CACNA1C: variants seen among roughly 807,000 people sequenced by gnomAD.
CACNA1C encodes the protein voltage-dependent L-type calcium channel subunit alpha-1C.
Under a neutral mutation model 229.0 loss-of-function variants are expected in CACNA1C, and 30 were observed. The ratio of observed to expected loss-of-function variants is 0.13; its 90% CI spans 0.10 to 0.18. CACNA1C has a LOEUF of 0.18. CACNA1C is among the 10% of genes least tolerant of loss of function. The probability of loss-of-function intolerance (pLI) is 1.00; values close to 1 mark genes in which losing one functional copy is unlikely to be tolerated. For synonymous variants in CACNA1C, 1,114 were observed against 1,132.5 expected (o/e 0.98, Z 0.33); for missense variants, 1,658 against 2,845.0 (o/e 0.58, Z 9.49).
At chr12:2,629,499 C>G (rs1273210027) in intron 29 of CACNA1C, among the ~76,000 whole-genome samples, 2 of 152,210 alleles carry the variant, frequency 1.3e-5, no homozygotes, top group Non-Finnish European at 2.9e-5. Context: ...ATGGCAAGTT[C>G]TGAGTGCTTT....
chr12:2,350,703 C>A (rs60840938), intron 3 of CACNA1C, among the ~76,000 whole-genome samples: 1 of 152,204 alleles, frequency 6.6e-6, no homozygotes, highest in Non-Finnish European at 1.5e-5. Context: ...GGCTCAGCTG[C>A]CATTGGCCTG....
rs957742785 is a variant in CACNA1C at position 2,633,309 on chromosome 12, T to G, written c.3829-988T>G. On this transcript the variant is annotated intron_variant, in intron 29 of 46. Coordinates refer to ENST00000399655, the MANE Select transcript of CACNA1C (RefSeq NM_000719.7). This position sits in a 1 kb window ranked among gnomAD's most constrained non-coding sequence, Gnocchi z 5.8. Reference sequence around the variant, plus strand: ...AGCCACATCCTGCCGCCTGGCGATTTGCACCACCCACGCCCCCCACACCCA... The same window carrying G: ...AGCCACATCCTGCCGCCTGGCGATTGGCACCACCCACGCCCCCCACACCCA... 6.6e-6 allele frequency among the ~76,000 whole-genome samples: 1 copy of G among 152,114 alleles called. No homozygotes were observed. Among genetic ancestry groups the G allele is most frequent in the Non-Finnish European group, 1.5e-5 (1 of 68,010 alleles).
chr12:2,574,669 C>T (rs1476251891), intron 13 of CACNA1C, among the ~76,000 whole-genome samples: 1 of 152,242 alleles, frequency 6.6e-6, no homozygotes, highest in Non-Finnish European at 1.5e-5. Context: ...ATGTCCCTAC[C>T]AGCATCTGGC....
intron 3 of CACNA1C, among the ~76,000 whole-genome samples, chr12:2,405,875 A>C (rs934042639): frequency 2.0e-4 from 30 of 152,292 alleles, no homozygotes; most frequent in Middle Eastern, 3.4e-3. Flanking sequence ...CTGATAACCC[A>C]AGATTCCTTA....
At chr12:2,591,592 G>A (rs1022504520) in intron 18 of CACNA1C, among the ~76,000 whole-genome samples, 1 of 152,178 alleles carries the variant, frequency 6.6e-6, no homozygotes, top group South Asian at 2.1e-4. Flanking sequence ...TATCTGGATT[G>A]GGGGTCCTTG....
chr12:2,443,130 G>A (rs920517380), intron 3 of CACNA1C, among the ~76,000 whole-genome samples: 17 of 152,144 alleles, frequency 1.1e-4, no homozygotes, highest in African/African-American at 2.2e-4. Flanking sequence ...TGGAGGGCCC[G>A]GTAGGAGCAA....
intron 13 of CACNA1C, among the ~76,000 whole-genome samples, chr12:2,572,359 CTCCTCCTTCTCCTCT>C (rs1219982608): frequency 2.0e-5 from 1 of 49,420 alleles, no homozygotes; most frequent in Non-Finnish European, 4.3e-5. Flanking sequence ...TCCTCCTCTC[CTCCTCCTTCTCCTCT>C]TCCTCCTCTT....
chr12:2,115,232 T>C lies in CACNA1C; in HGVS notation c.58T>C (p.Tyr20His), dbSNP rs2083380157. The C allele has an allele frequency of 6.4e-7, 1 of 1,567,414 alleles. No homozygotes were observed. Among genetic ancestry groups the C allele is most frequent in the Non-Finnish European group, 8.7e-7 (1 of 1,155,560 alleles). Residue 20 changes from tyrosine to histidine, a missense_variant, in exon 2 of 47, where the codon TAT (tyrosine) becomes CAT (histidine). By Grantham distance (83) the Tyr-to-His change is moderately conservative (BLOSUM62 2). Transcript: ENST00000399655. ...IPEENHQGSN[Y>H]GSPRPAHANM... is the part of the protein sequence containing the mutation. ...TTTCTCTTTTGCCACAGGTTCCAACTATGGGAGCCCACGCCCCGCCCATGC... is the reference window on the plus strand; with the variant it reads ...TTTCTCTTTTGCCACAGGTTCCAACCATGGGAGCCCACGCCCCGCCCATGC...
At chr12:2,547,817 C>T (rs997901727) in intron 9 of CACNA1C, among the ~76,000 whole-genome samples, 4 of 152,190 alleles carry the variant, frequency 2.6e-5, no homozygotes, top group African/African-American at 9.7e-5. Flanking sequence ...AGTAAGCACA[C>T]TGTGAATGCA....
At chr12:2,083,844 A>G (rs759420741) in intron 1 of CACNA1C, among the ~76,000 whole-genome samples, 2 of 152,216 alleles carry the variant, frequency 1.3e-5, no homozygotes, top group Non-Finnish European at 2.9e-5. Flanking sequence ...AAATGCATGT[A>G]TTCATTGGAT....
chr12:2,102,738 CGTA>C (rs1055592278), intron 1 of CACNA1C, among the ~76,000 whole-genome samples: 5 of 152,298 alleles, frequency 3.3e-5, no homozygotes, highest in African/African-American at 1.2e-4. Flanking sequence ...CCCCTATCCC[CGTA>C]CTCCCCGAAA....
intron 3 of CACNA1C, among the ~76,000 whole-genome samples, chr12:2,300,396 G>A (rs957814197): frequency 6.6e-6 from 1 of 152,140 alleles, no homozygotes; most frequent in African/African-American, 2.4e-5. Flanking sequence ...GATTGCAGGT[G>A]GATCACTTGA....
At chr12:2,011,668 A>C (rs538061309) in intron 1 of CACNA1C, among the ~76,000 whole-genome samples, 1 of 152,254 alleles carries the variant, frequency 6.6e-6, no homozygotes, top group Non-Finnish European at 1.5e-5. Context: ...CAATATGTTT[A>C]GGGAAACATC....
At chr12:2,676,982 C>T in intron 39 of CACNA1C, 112 bp from the exon 40 acceptor site, 2 of 884,958 alleles carry the variant, frequency 2.3e-6, no homozygotes, top group Non-Finnish European at 3.6e-6. Flanking sequence ...ATTACCTCTC[C>T]AAAAATATTA....
chr12:2,427,442 A>G (rs908392198), intron 3 of CACNA1C, among the ~76,000 whole-genome samples: 2 of 152,116 alleles, frequency 1.3e-5, no homozygotes, highest in African/African-American at 4.8e-5. Flanking sequence ...GTACTGATCA[A>G]TAAAATCTTG....
intron 3 of CACNA1C, among the ~76,000 whole-genome samples, chr12:2,163,566 G>A (rs113850511): frequency 5.3e-5 from 8 of 152,138 alleles, no homozygotes; most frequent in African/African-American, 1.2e-4. Flanking sequence ...TTTTCTAGTG[G>A]GGGTAAGGAA....
chr12:1,988,966 T>G (rs1257798154), intron 1 of CACNA1C, among the ~76,000 whole-genome samples: 2 of 152,258 alleles, frequency 1.3e-5, no homozygotes, highest in Admixed American at 1.3e-4. Flanking sequence ...TAAGTTTTTC[T>G]TTTCTGATTT....
chr12:2,109,144 C>G (rs932255167), intron 1 of CACNA1C, among the ~76,000 whole-genome samples: 1 of 152,218 alleles, frequency 6.6e-6, no homozygotes, highest in Non-Finnish European at 1.5e-5. Flanking sequence ...TTTGTGCTCA[C>G]AGAAGGCACC....
At chr12:2,360,151 A>AC (rs1235106830) in intron 3 of CACNA1C, among the ~76,000 whole-genome samples, 408 of 67,530 alleles carry the variant, frequency 6.0e-3, no homozygotes, top group South Asian at 9.5e-3. Context: ...ACACAAACAC[A>AC]CCCCACCCCC....
Sources: allele counts gnomAD v4.1 joint callset (sites outside exome capture counted in the v4.1 genomes callset), GRCh38; gene constraint gnomAD v4.1.1; non-coding constraint Gnocchi (gnomAD v3.1); transcripts MANE v1.5; gene names NCBI Gene and HGNC (gene_info 2026-07-23, HGNC 2026-07-21).